Variants in TLE4 observed in about 807,000 individuals in gnomAD.
TLE4 encodes transducin-like enhancer protein 4.
TLE4 carries 8 observed loss-of-function variants against 92.8 expected under a neutral mutation model. The ratio of observed to expected loss-of-function variants is 0.09; its 90% CI spans 0.05 to 0.16. The LOEUF is 0.16. Ranked by LOEUF, TLE4 falls within the 10% of genes least tolerant of loss-of-function variation. The pLI is 1.00. For synonymous variants in TLE4, 371 were observed against 374.1 expected, an observed-to-expected ratio of 0.99 and a Z score of 0.10; for missense variants, 675 against 997.6, an observed-to-expected ratio of 0.68 and a Z score of 4.36.
intron 4 of TLE4, among the ~76,000 whole-genome samples, chr9:79,607,023 A>C (rs1314241099): frequency 6.6e-6 from 1 of 152,008 alleles, no homozygotes; most frequent in East Asian, 1.9e-4. Context: ...TCTCCACATC[A>C]TCTCCAGCAC....
At chr9:79,704,628 C>A (rs1210809546) in intron 8 of TLE4, 155 bp from the exon 9 acceptor site, 3 of 932,428 alleles carry the variant, frequency 3.2e-6, no homozygotes, top group Non-Finnish European at 4.7e-6. Context: ...CTGTTTTCTT[C>A]CTTTCGTCTC....
At chr9:79,584,032 G>A (rs1412504174) in intron 4 of TLE4, among the ~76,000 whole-genome samples, 2 of 152,184 alleles carry the variant, frequency 1.3e-5, no homozygotes, top group African/African-American at 4.8e-5. Context: ...GGATCAGCAC[G>A]GGGGTGGAGA....
At chr9:79,707,453 GGT>G (rs2071968708) in intron 11 of TLE4, among the ~76,000 whole-genome samples, 1 of 152,004 alleles carries the variant, frequency 6.6e-6, no homozygotes. Context: ...AACTTTGTGT[GGT>G]GTGTCTTTTT....
chr9:79,633,702 GT>G (rs1433333832), intron 6 of TLE4, among the ~76,000 whole-genome samples: 2 of 152,134 alleles, frequency 1.3e-5, no homozygotes, highest in Non-Finnish European at 2.9e-5. Context: ...TTTTGTTTTG[GT>G]TTTGTGTCAC....
chr9:79,674,102 A>G (rs561532139), intron 8 of TLE4, among the ~76,000 whole-genome samples: 16 of 152,254 alleles, frequency 1.1e-4, no homozygotes, highest in East Asian at 3.9e-4. Context: ...GCTTTTCTCA[A>G]TGTTTAAGGA....
intron 5 of TLE4, among the ~76,000 whole-genome samples, chr9:79,622,355 C>T (rs2051236752): frequency 6.6e-6 from 1 of 152,188 alleles, no homozygotes; most frequent in African/African-American, 2.4e-5. Context: ...CTTCCAGCCA[C>T]ACAGACATTC....
intron 4 of TLE4, among the ~76,000 whole-genome samples, chr9:79,585,768 C>T (rs1230888632): frequency 6.6e-6 from 1 of 151,766 alleles, no homozygotes; most frequent in Non-Finnish European, 1.5e-5. Flanking sequence ...TATTTATATA[C>T]TATTAATACT....
Position 79,720,304 on chromosome 9 carries a change from A to G in TLE4, c.1838+11A>G. The G allele has an allele frequency of 6.2e-7, 1 of 1,603,948 alleles. No individual in the cohort carries two copies. On this transcript the variant is annotated intron_variant, in intron 16 of 19. Transcript: ENST00000376552. ...CCAGACCTTGGTGAGGTAGGTTAGC[A>G]GGATCTGTTACCAGGTTGTGAGGAG...
chr9:79,679,234 A>C (rs1030584347), intron 8 of TLE4, among the ~76,000 whole-genome samples: 2 of 152,106 alleles, frequency 1.3e-5, no homozygotes, highest in Non-Finnish European at 2.9e-5. Flanking sequence ...TTACAGTCCC[A>C]CCAATAGTGT....
chr9:79,681,715 G>A (rs1278472563), intron 8 of TLE4, among the ~76,000 whole-genome samples: 1 of 151,578 alleles, frequency 6.6e-6, no homozygotes, highest in African/African-American at 2.4e-5. Flanking sequence ...ATTTTCCAAG[G>A]ATTCCTTAAC....
At chr9:79,671,196 A>G (rs1338294250) in intron 8 of TLE4, 1 of 453,748 alleles carries the variant, frequency 2.2e-6, no homozygotes, top group East Asian at 7.0e-5. Context: ...TGTGACTTTT[A>G]TGTATTTTAC....
intron 8 of TLE4, among the ~76,000 whole-genome samples, chr9:79,704,118 T>A (rs1053487859): frequency 1.4e-5 from 2 of 147,322 alleles, no homozygotes; most frequent in African/African-American, 2.7e-5. Context: ...TTCCCAACTT[T>A]CTTTCTTTTT....
At chr9:79,671,811 C>G (rs1318870034) in intron 8 of TLE4, among the ~76,000 whole-genome samples, 1 of 151,710 alleles carries the variant, frequency 6.6e-6, no homozygotes, top group African/African-American at 2.4e-5. Context: ...AGACCTGGTT[C>G]AGCAAGGGGA....
chr9:79,590,290 A>T (rs1009030523), intron 4 of TLE4, among the ~76,000 whole-genome samples: 1 of 152,228 alleles, frequency 6.6e-6, no homozygotes, highest in Non-Finnish European at 1.5e-5. Flanking sequence ...GGGCTTCTTA[A>T]TGAAGAAATT....
At position 79,708,759 on chromosome 9, in the gene TLE4, T is replaced by C. The variant is rs760363283; in HGVS notation, c.1236T>C (p.Ala412=). Residue 412 remains alanine (A), a synonymous_variant, in exon 13 of 20, where the codon GCT becomes GCC. Transcript: ENST00000376552. ...QMSAAAAAAA[A]AAAYGRSPVV... ...GCGCAGCTGCTGCCGCCGCCGCTGC[T>C]GCTGCTGCCTATGGGAGATCACCAG... is the stretch of plus-strand genomic sequence containing the variant. 2 of 1,607,880 alleles carry C rather than the reference T, an allele frequency of 1.2e-6. No homozygotes were observed. The highest frequency in any genetic ancestry group is 1.1e-5 in the South Asian group (1 of 91,078).
In TLE4 at chr9:79,652,715, C is replaced by A; in HGVS notation, c.513C>A (p.Ala171=). 6.2e-7 allele frequency: 1 copy of A among 1,614,156 alleles called. No individual in the cohort carries two copies. The highest frequency in any genetic ancestry group is 8.5e-7 in the Non-Finnish European group (1 of 1,180,032). The change falls in exon 7 of 20, where the codon GCC becomes GCA. Residue 171 remains alanine, a synonymous_variant. Transcript: ENST00000376552. ...PPIGSSAGLL[A]LSSALGGQSH... ...TCGGTAGCAGTGCCGGGCTTCTGGC[C>A]CTCTCCAGTGCTCTAGGAGGTCAGT...
At chr9:79,705,445 T>C (rs1011188596) in intron 9 of TLE4, among the ~76,000 whole-genome samples, 8 of 152,212 alleles carry the variant, frequency 5.3e-5, no homozygotes, top group African/African-American at 1.9e-4. Context: ...CCTGCTCTGC[T>C]TCCCTGCTGG....
chr9:79,623,813 C>A (rs2051742286), intron 5 of TLE4, among the ~76,000 whole-genome samples: 1 of 151,552 alleles, frequency 6.6e-6, no homozygotes, highest in South Asian at 2.1e-4. Flanking sequence ...GGTCCCCTCT[C>A]TTACCCTTGG....
intron 17 of TLE4, 115 bp downstream of exon 17, chr9:79,722,003 A>G: frequency 2.1e-6 from 3 of 1,419,792 alleles, no homozygotes; most frequent in African/African-American, 1.4e-5. Context: ...CATCTCTACT[A>G]AAAGTACAAA....
Sources: allele counts gnomAD v4.1 joint callset (sites outside exome capture counted in the v4.1 genomes callset), GRCh38; gene constraint gnomAD v4.1.1; transcripts MANE v1.5; gene names NCBI Gene and HGNC (gene_info 2026-07-23, HGNC 2026-07-21).